Variants in ATAD2B observed in about 807,000 individuals in gnomAD.
The protein encoded by ATAD2B is ATPase family AAA domain containing 2B, also known as ATPase family AAA domain-containing protein 2B.
Under a neutral mutation model 167.6 loss-of-function variants are expected in ATAD2B, and 40 were observed. The observed-to-expected ratio is 0.24, with a 90% CI of 0.19 to 0.31. The LOEUF (loss-of-function observed/expected upper bound fraction) is 0.31. Among genes scored for constraint, ATAD2B ranks in the 10% least tolerant of loss-of-function variants. The pLI is 1.00. For missense variants in ATAD2B, 1,242 were observed against 1,757.2 expected, an observed-to-expected ratio of 0.71 and a Z score of 5.24; for synonymous variants, 579 against 596.5, an observed-to-expected ratio of 0.97 and a Z score of 0.43.
chr2:23,786,399 A>T (rs1680817672), intron 20 of ATAD2B, among the ~76,000 whole-genome samples, 176 bp from the exon 21 acceptor site: 1 of 152,142 alleles, frequency 6.6e-6, no homozygotes, highest in South Asian at 2.1e-4. Flanking sequence ...TTGTGTGAAC[A>T]TCATAAGAGT....
chr2:23,861,637 G>A (rs1314858184), intron 12 of ATAD2B, among the ~76,000 whole-genome samples: 2 of 151,278 alleles, frequency 1.3e-5, no homozygotes, highest in Non-Finnish European at 2.9e-5. Context: ...ATAAAACTAA[G>A]AGGCATCCCT....
chr2:23,856,477 T>TA, intron 13 of ATAD2B: 1 of 413,410 alleles, frequency 2.4e-6, no homozygotes, highest in Non-Finnish European at 5.0e-6. Flanking sequence ...TCCCATCAGA[T>TA]GGTAGATTGA....
At chr2:23,808,068 A>AATATATAAATAATTATATATATAATTAT (rs1684830240) in intron 18 of ATAD2B, among the ~76,000 whole-genome samples, 2 of 60,948 alleles carry the variant, frequency 3.3e-5, no homozygotes, top group East Asian at 3.8e-4. Context: ...TATAAATTAT[A>AATATATAAATAATTATATATATAATTAT]ATATATAAGT....
At chr2:23,907,781 CA>C in intron 1 of ATAD2B, among the ~76,000 whole-genome samples, 1 of 152,020 alleles carries the variant, frequency 6.6e-6, no homozygotes, top group East Asian at 1.9e-4. Flanking sequence ...GTACTGGTAC[CA>C]AAACAGAGAT....
chr2:23,908,303 A>C (rs1035883791), intron 1 of ATAD2B, among the ~76,000 whole-genome samples: 3 of 152,194 alleles, frequency 2.0e-5, no homozygotes, highest in African/African-American at 4.8e-5. Context: ...AGAAAAAAAC[A>C]ACCCCATCAA....
At chr2:23,831,300 ATTATTG>A (rs1689044366) in intron 14 of ATAD2B, among the ~76,000 whole-genome samples, 1 of 152,234 alleles carries the variant, frequency 6.6e-6, no homozygotes, top group Non-Finnish European at 1.5e-5. Flanking sequence ...ATTAAAAAGC[ATTATTG>A]CATATAGAAG....
At chr2:23,741,758 G>A in the ATAD2B span, among the ~76,000 whole-genome samples, 1 of 152,154 alleles carries the variant, frequency 6.6e-6, no homozygotes, top group African/African-American at 2.4e-5. Context: ...CCATCAGAGT[G>A]AACAGGCAAC....
intron 1 of ATAD2B, among the ~76,000 whole-genome samples, chr2:23,897,551 C>A (rs1365135566): frequency 6.6e-6 from 1 of 152,126 alleles, no homozygotes; most frequent in East Asian, 1.9e-4. Context: ...TAACCTGTCC[C>A]CCCAAATTCA....
chr2:23,874,124 T>C (rs1293829446), intron 8 of ATAD2B, among the ~76,000 whole-genome samples: 1 of 150,636 alleles, frequency 6.6e-6, no homozygotes, highest in African/African-American at 2.4e-5. Flanking sequence ...GAGGCGGAGG[T>C]TGCAGTGAGC....
At chr2:23,913,967 A>G (rs1427437631) in intron 1 of ATAD2B, among the ~76,000 whole-genome samples, 1 of 152,064 alleles carries the variant, frequency 6.6e-6, no homozygotes, top group East Asian at 1.9e-4. Context: ...ACCCTGGTCA[A>G]AAAAAACCAC....
intron 21 of ATAD2B, 108 bp downstream of exon 21, chr2:23,785,919 G>A: frequency 1.1e-6 from 1 of 935,338 alleles, no homozygotes; most frequent in Non-Finnish European, 1.6e-6. Flanking sequence ...TAGGCTAGGG[G>A]TAATATTCAT....
intron 14 of ATAD2B, chr2:23,832,302 T>A (rs565016483): frequency 4.3e-6 from 2 of 459,966 alleles, no homozygotes; most frequent in Non-Finnish European, 9.0e-6. Flanking sequence ...ACAGCCAGCA[T>A]AGGCCTTTCC....
intron 18 of ATAD2B, among the ~76,000 whole-genome samples, chr2:23,803,230 C>CA (rs1388854792): frequency 6.6e-6 from 1 of 151,956 alleles, no homozygotes; most frequent in Non-Finnish European, 1.5e-5. Flanking sequence ...CTTAAGGGGG[C>CA]AACTATAAAT....
chr2:23,805,662 T>C (rs1684255165), intron 18 of ATAD2B, among the ~76,000 whole-genome samples: 2 of 152,190 alleles, frequency 1.3e-5, no homozygotes, highest in Non-Finnish European at 2.9e-5. Context: ...GTTATTTTCT[T>C]TTCTCACACT....
chr2:23,803,658 A>C (rs1173529326), intron 18 of ATAD2B, among the ~76,000 whole-genome samples: 1 of 152,248 alleles, frequency 6.6e-6, no homozygotes, highest in Non-Finnish European at 1.5e-5. Flanking sequence ...TGATAATATT[A>C]ATCAATAGCT....
intron 25 of ATAD2B, among the ~76,000 whole-genome samples, chr2:23,756,125 C>T (rs1393822819): frequency 3.3e-5 from 5 of 152,132 alleles, no homozygotes; most frequent in Non-Finnish European, 2.9e-5. Context: ...CGGCCTCATA[C>T]CAGATTCCTT....
At chr2:23,827,359 G>T (rs910259701) in intron 15 of ATAD2B, among the ~76,000 whole-genome samples, 7 of 152,126 alleles carry the variant, frequency 4.6e-5, no homozygotes, top group African/African-American at 1.4e-4. Flanking sequence ...TATTGTCTTT[G>T]GAAATGCAAA....
chr2:23,778,876 T>C (rs1036906337), intron 22 of ATAD2B, among the ~76,000 whole-genome samples: 1 of 152,154 alleles, frequency 6.6e-6, no homozygotes, highest in African/African-American at 2.4e-5. Context: ...CATATTCTCA[T>C]TACATATTAC....
the ATAD2B span, among the ~76,000 whole-genome samples, chr2:23,710,532 A>G: frequency 4.6e-5 from 7 of 152,232 alleles, no homozygotes; most frequent in Non-Finnish European, 7.3e-5. Flanking sequence ...GGGTATCAGG[A>G]GCCACAGAAG....
Sources: gnomAD v4.1 joint callset for allele counts (sites outside exome capture counted in the v4.1 genomes callset) on GRCh38, gnomAD v4.1.1 for gene constraint, MANE v1.5 for transcripts, NCBI Gene and HGNC (gene_info 2026-07-23, HGNC 2026-07-21) for gene names.